UTS2B: variants seen among roughly 807,000 people sequenced by gnomAD.
UTS2B encodes urotensin-2B.
In UTS2B, 21 loss-of-function variants were observed where a neutral mutation model predicts 19.2. The ratio of observed to expected loss-of-function variants is 1.09; its 90% CI spans 0.78 to 1.58. The LOEUF (loss-of-function observed/expected upper bound fraction) is 1.58. Among genes scored for constraint, UTS2B ranks in the 40% most tolerant of loss-of-function variants. The probability of loss-of-function intolerance (pLI) is 0.00; values close to 1 mark genes in which losing one functional copy is unlikely to be tolerated. For synonymous variants in UTS2B, 57 were observed against 50.2 expected (o/e 1.14, Z -0.58); for missense variants, 138 against 130.3 (o/e 1.06, Z -0.29).
intron 1 of UTS2B, chr3:191,329,811 C>CCGCGGCCCT: frequency 1.4e-6 from 2 of 1,408,006 alleles, no homozygotes; most frequent in Non-Finnish European, 2.0e-6. Context: ...ATTTCGGCTC[C>CCGCGGCCCT]CGCGGCCCTC....
chr3:191,303,530 TAAAA>T (rs56081437), intron 4 of UTS2B, among the ~76,000 whole-genome samples: 86,853 of 148,238 alleles, frequency 0.59, 25,162 homozygotes, highest in African/African-American at 0.65. Context: ...CACATTTCCT[TAAAA>T]AAAAAAAAAA....
intron 2 of UTS2B, among the ~76,000 whole-genome samples, chr3:191,319,849 C>T (rs908505554): frequency 4.8e-5 from 7 of 145,520 alleles, no homozygotes; most frequent in Admixed American, 2.1e-4. Flanking sequence ...GCCCAGGCAA[C>T]AGTGCGAGAC....
chr3:191,288,358 C>T (rs2603671), intron 4 of UTS2B, among the ~76,000 whole-genome samples: 108,764 of 151,892 alleles, frequency 0.72, 39,948 homozygotes, highest in African/African-American at 0.9. Context: ...GCATCACATA[C>T]ACTACATTAC....
At chr3:191,317,285 T>A (rs1717486536) in intron 2 of UTS2B, among the ~76,000 whole-genome samples, 1 of 152,118 alleles carries the variant, frequency 6.6e-6, no homozygotes. Flanking sequence ...CCAGCCAGCT[T>A]CTCTGAGTGC....
At chr3:191,284,795 C>T (rs1716489661) in intron 4 of UTS2B, among the ~76,000 whole-genome samples, 1 of 151,838 alleles carries the variant, frequency 6.6e-6, no homozygotes, top group Non-Finnish European at 1.5e-5. Flanking sequence ...TATTTTTCTG[C>T]CATATTTTAG....
intron 5 of UTS2B, among the ~76,000 whole-genome samples, chr3:191,281,400 T>G (rs2108574738): frequency 6.6e-6 from 1 of 152,192 alleles, no homozygotes; most frequent in African/African-American, 2.4e-5. Flanking sequence ...GGATTCTCAG[T>G]TTAAGAGCTA....
At chr3:191,282,411 T>G (rs1716417042) in intron 4 of UTS2B, 98 bp from the exon 5 acceptor site, 1 of 451,576 alleles carries the variant, frequency 2.2e-6, no homozygotes, top group Non-Finnish European at 4.0e-6. Flanking sequence ...GACAGATTTG[T>G]TATGGAGTCA....
At chr3:191,329,654 C>T (rs767074558) in intron 1 of UTS2B, 3 of 1,604,618 alleles carry the variant, frequency 1.9e-6, no homozygotes, top group Admixed American at 1.7e-5. Context: ...GTTAAAGGGG[C>T]AACCGGGACC....
intron 4 of UTS2B, among the ~76,000 whole-genome samples, chr3:191,302,963 C>T (rs908983147): frequency 1.3e-5 from 2 of 152,170 alleles, no homozygotes; most frequent in Admixed American, 6.5e-5. Context: ...TGTCATGAGG[C>T]CCCTCCTTAC....
intron 8 of UTS2B, among the ~76,000 whole-genome samples, chr3:191,268,900 G>A (rs1252306831): frequency 6.6e-6 from 1 of 152,206 alleles, no homozygotes; most frequent in East Asian, 1.9e-4. Context: ...TGAGTGAAGA[G>A]GAAGGAAGAC....
intron 7 of UTS2B, among the ~76,000 whole-genome samples, chr3:191,275,764 A>G (rs1350431027): frequency 6.6e-6 from 1 of 152,068 alleles, no homozygotes; most frequent in African/African-American, 2.4e-5. Context: ...AAAAAAAGAG[A>G]GAAAATGGAT....
At chr3:191,273,739 C>T (rs560297715) in intron 8 of UTS2B, among the ~76,000 whole-genome samples, 1 of 152,248 alleles carries the variant, frequency 6.6e-6, no homozygotes. Context: ...GTACTTTCTT[C>T]TCCTCCAGTT....
intron 2 of UTS2B, among the ~76,000 whole-genome samples, chr3:191,324,315 C>T (rs1003525871): frequency 1.4e-4 from 22 of 152,282 alleles, no homozygotes; most frequent in African/African-American, 5.1e-4. Flanking sequence ...TTATAAATTA[C>T]CAGTTTCAGA....
At chr3:191,315,297 G>C (rs557831775) in intron 3 of UTS2B, among the ~76,000 whole-genome samples, 1 of 152,202 alleles carries the variant, frequency 6.6e-6, no homozygotes, top group Non-Finnish European at 1.5e-5. Context: ...ACAGGCATGA[G>C]CCACCACGCC....
intron 2 of UTS2B, among the ~76,000 whole-genome samples, chr3:191,324,278 T>C (rs948098150): frequency 6.6e-6 from 1 of 152,240 alleles, no homozygotes; most frequent in Non-Finnish European, 1.5e-5. Flanking sequence ...GAGGCATTCA[T>C]AAGTGTAACA....
At chr3:191,291,582 A>G (rs566487829) in intron 4 of UTS2B, among the ~76,000 whole-genome samples, 4 of 151,980 alleles carry the variant, frequency 2.6e-5, no homozygotes, top group Admixed American at 2.6e-4. Flanking sequence ...CCTCCTGAGT[A>G]GCTGGGACTA....
chr3:191,345,605 T>G, the UTS2B span, among the ~76,000 whole-genome samples: 1 of 152,196 alleles, frequency 6.6e-6, no homozygotes, highest in African/African-American at 2.4e-5. Context: ...TGTGAGGACT[T>G]ATATCATCTC....
At chr3:191,277,523 T>G (rs1413553884) in intron 6 of UTS2B, 1 of 152,128 alleles carries the variant, frequency 6.6e-6, no homozygotes, top group Non-Finnish European at 1.5e-5. Flanking sequence ...AGTCATTTCT[T>G]GGAGGACAAT....
intron 3 of UTS2B, among the ~76,000 whole-genome samples, chr3:191,310,126 C>T (rs969241669): frequency 6.6e-6 from 1 of 151,458 alleles, no homozygotes; most frequent in African/African-American, 2.4e-5. Flanking sequence ...CCATGCCTGG[C>T]TATTTTTTTT....
Sources: gnomAD v4.1 joint callset for allele counts (sites outside exome capture counted in the v4.1 genomes callset) on GRCh38, gnomAD v4.1.1 for gene constraint, MANE v1.5 for transcripts, NCBI Gene and HGNC (gene_info 2026-07-23, HGNC 2026-07-21) for gene names.